The following NMT1 variants were observed in gnomAD, a reference collection of about 807,000 sequenced individuals.
NMT1 encodes glycylpeptide N-tetradecanoyltransferase 1.
In NMT1, 12 loss-of-function variants were observed where a neutral mutation model predicts 63.4. That is an observed-to-expected ratio of 0.19 (90% confidence interval 0.12 to 0.31). The LOEUF (loss-of-function observed/expected upper bound fraction) is 0.31, where lower values mean the gene tolerates loss of function less well. NMT1 is among the 10% of genes least tolerant of loss of function. The pLI is 1.00. For synonymous variants in NMT1, 228 were observed against 234.3 expected (o/e 0.97, Z 0.25); for missense variants, 432 against 634.6 (o/e 0.68, Z 3.43).
In NMT1 at chr17:45,104,808, G is replaced by T; in HGVS notation, c.1333-51G>T. The T allele has an allele frequency of 6.2e-7, 1 of 1,605,956 alleles. No individual in the cohort carries two copies. Among genetic ancestry groups the T allele is most frequent in the Non-Finnish European group, 8.5e-7 (1 of 1,173,572 alleles). ...ATGGCAGCAAAGGGGTAGGAAGGAG[G>T]CTGTCCCCACCTGTCCTCACCTGTT... On this transcript the variant is annotated intron_variant, in intron 10 of 11. Transcript: ENST00000258960. This position sits in a 1 kb window ranked among gnomAD's most constrained non-coding sequence, Gnocchi z 4.2.
intron 2 of NMT1, among the ~76,000 whole-genome samples, chr17:45,084,568 C>T (rs1417410055): frequency 1.3e-5 from 2 of 151,700 alleles, no homozygotes; most frequent in Non-Finnish European, 2.9e-5. Context: ...CTCCTGACCT[C>T]GTGATCCACC....
rs1485324753 is a variant in NMT1 at position 45,103,246 on chromosome 17, T to C, written c.1164+125T>C. The C allele has an allele frequency of 2.1e-6, 2 of 941,426 alleles. No homozygotes were observed. Among genetic ancestry groups the C allele is most frequent in the East Asian group, 4.9e-5 (2 of 40,666 alleles). The allele number at this position is 941,426 out of a possible 1,614,324, so 58.3% of individuals were successfully genotyped here. ...TTCCTTGACCATCCGTGTTTGGTCC[T>C]CCCTAAAAACAGGGAGTTGGTGCTT... is the stretch of plus-strand genomic sequence containing the variant. On this transcript the variant is annotated intron_variant, in intron 9 of 11. Transcript: ENST00000258960. The surrounding 1 kb of genome is among the most constrained non-coding windows in gnomAD (Gnocchi z 4.8).
At chr17:45,085,024 G>C (rs868725843) in intron 2 of NMT1, among the ~76,000 whole-genome samples, 11 of 151,958 alleles carry the variant, frequency 7.2e-5, no homozygotes, top group African/African-American at 2.7e-4. Context: ...GAGTTGGGCA[G>C]ATCGCTTGAG....
intron 4 of NMT1, among the ~76,000 whole-genome samples, chr17:45,094,545 C>T (rs550273492): frequency 1.2e-3 from 181 of 148,120 alleles, no homozygotes; most frequent in South Asian, 2.6e-3. Context: ...GATGGAGTCT[C>T]GCTCTGTTGC....
Position 45,061,515 on chromosome 17 carries a change from T to C in NMT1, c.131+55T>C, listed in dbSNP as rs1288094766. 7 of 1,546,406 alleles carry C rather than the reference T, an allele frequency of 4.5e-6. No homozygotes were observed. The African/African-American group carries it at 8.2e-5, about 18-fold the overall frequency. ...TCCAGCCTCCCACAACCTGGGTCTC[T>C]GGGGTGCGGGGAAGTCACCGGGAGC... On this transcript the variant is annotated intron_variant, in intron 1 of 11. Coordinates refer to ENST00000258960, the MANE Select transcript of NMT1 (RefSeq NM_021079.5).
chr17:45,097,362 G>A (rs1358060435), intron 6 of NMT1, 118 bp downstream of exon 6: 3 of 818,114 alleles, frequency 3.7e-6, no homozygotes. Context: ...GTCTCAGGAA[G>A]GGAGGATGCC....
intron 4 of NMT1, among the ~76,000 whole-genome samples, chr17:45,095,265 C>T (rs1341827952): frequency 1.3e-5 from 2 of 151,970 alleles, no homozygotes; most frequent in African/African-American, 4.8e-5. Context: ...TGTCACCACG[C>T]CAGGCTAATT....
At chr17:45,069,899 A>G (rs2053928827) in intron 1 of NMT1, among the ~76,000 whole-genome samples, 1 of 151,482 alleles carries the variant, frequency 6.6e-6, no homozygotes, top group Admixed American at 6.6e-5. Flanking sequence ...AAAAAAAGTC[A>G]TTCTAGTAGG....
At chr17:45,066,775 T>C (rs2053905826) in intron 1 of NMT1, among the ~76,000 whole-genome samples, 1 of 152,144 alleles carries the variant, frequency 6.6e-6, no homozygotes, top group Non-Finnish European at 1.5e-5. Context: ...AGTACAGTGG[T>C]GTGATCATGG....
rs547575647 is a variant in NMT1, at chr17:45,066,911, G to A, written c.131+5451G>A. On this transcript the variant is annotated intron_variant, in intron 1 of 11. Transcript: ENST00000258960. ...TTTTAAAAAGTTTCTGTAGAGATGG[G>A]GTCTCACTATTTAGCCCAGGCTGGT... Among the ~76,000 whole-genome samples the A allele has an allele frequency of 2.6e-5, 4 of 152,016 alleles. No individual in the cohort carries two copies. The East Asian group carries it at 5.8e-4, about 22-fold the overall frequency.
intron 1 of NMT1, among the ~76,000 whole-genome samples, chr17:45,080,855 C>T (rs908284050): frequency 3.3e-5 from 5 of 152,016 alleles, no homozygotes; most frequent in African/African-American, 1.2e-4. Flanking sequence ...CAACCTCCAC[C>T]TCCCGGGTTC....
At chr17:45,085,502 C>T (rs1359652005) in intron 2 of NMT1, among the ~76,000 whole-genome samples, 1 of 152,048 alleles carries the variant, frequency 6.6e-6, no homozygotes, top group Non-Finnish European at 1.5e-5. Flanking sequence ...AACTTGTATG[C>T]AAAAAAGTCT....
intron 1 of NMT1, among the ~76,000 whole-genome samples, chr17:45,078,050 C>T (rs1304856246): frequency 6.6e-6 from 1 of 152,142 alleles, no homozygotes; most frequent in Admixed American, 6.6e-5. Flanking sequence ...CTAAAGGAAC[C>T]TTCAGACTTA....
At chr17:45,082,459 T>A (rs568762707) in intron 2 of NMT1, among the ~76,000 whole-genome samples, 201 of 152,244 alleles carry the variant, frequency 1.3e-3, no homozygotes, top group South Asian at 3.5e-3. Flanking sequence ...AAACATTCTC[T>A]TAATGCCATA....
chr17:45,105,099 T>C lies in NMT1; in HGVS notation c.1470+103T>C. ...GAGGAGACAGCCGCAGTCTGGGTCC[T>C]TGTTACCTCGAGTTGAACCTTTGAA... On this transcript the variant is annotated intron_variant, in intron 11 of 11. Coordinates refer to ENST00000258960, the MANE Select transcript of NMT1 (RefSeq NM_021079.5). This position sits in a 1 kb window ranked among gnomAD's most constrained non-coding sequence, Gnocchi z 4.2. The C allele has an allele frequency of 2.0e-6, 3 of 1,470,748 alleles. No individual in the cohort carries two copies. Among genetic ancestry groups the C allele is most frequent in the Non-Finnish European group, 9.3e-7 (1 of 1,074,116 alleles). 91.1% of individuals were successfully genotyped at this position (1,470,748 alleles called of 1,614,324 possible).
chr17:45,066,291 G>A (rs1798314205), intron 1 of NMT1, among the ~76,000 whole-genome samples: 1 of 152,028 alleles, frequency 6.6e-6, no homozygotes, highest in African/African-American at 2.4e-5. Flanking sequence ...CTGAGCTCAG[G>A]CAATCCACCT....
chr17:45,087,454 A>G lies in NMT1; in HGVS notation c.385+802A>G, dbSNP rs937835915. ...AGATTTCATTAGCACCCCTTAAAAA[A>G]GCTATAATGAATTGCTAAAGGGGTG... On this transcript the variant is annotated intron_variant, in intron 3 of 11. Coordinates refer to ENST00000258960, the MANE Select transcript of NMT1 (RefSeq NM_021079.5). 3.7e-4 allele frequency among the ~76,000 whole-genome samples: 57 copies of G among 152,338 alleles called. 2 individuals carry two copies. Among genetic ancestry groups the G allele is most frequent in the Admixed American group, 3.6e-3 (55 of 15,294 alleles).
chr17:45,099,733 A>T, intron 8 of NMT1: 1 of 547,948 alleles, frequency 1.8e-6, no homozygotes, highest in Non-Finnish European at 3.3e-6. Flanking sequence ...CTGTGCCTGG[A>T]CTAGCTTCTC....
intron 6 of NMT1, 117 bp downstream of exon 6, chr17:45,097,361 A>G (rs2054131934): frequency 1.2e-6 from 1 of 824,312 alleles, no homozygotes; most frequent in Non-Finnish European, 2.1e-6. Flanking sequence ...GGTCTCAGGA[A>G]GGGAGGATGC....
Sources: gnomAD v4.1 joint callset for allele counts (sites outside exome capture counted in the v4.1 genomes callset) on GRCh38, gnomAD v4.1.1 for gene constraint, Gnocchi (gnomAD v3.1) non-coding constraint, MANE v1.5 for transcripts, NCBI Gene and HGNC (gene_info 2026-07-23, HGNC 2026-07-21) for gene names.